The following CDH18 variants were observed in gnomAD, a reference collection of about 807,000 sequenced individuals.
CDH18 encodes the protein cadherin-18.
Under a neutral mutation model 67.9 loss-of-function variants are expected in CDH18, and 31 were observed. That is an observed-to-expected ratio of 0.46 (90% CI 0.34 to 0.62). The LOEUF (loss-of-function observed/expected upper bound fraction) is 0.62. CDH18 is among the 20% of genes least tolerant of loss of function. The probability of loss-of-function intolerance (pLI) is 0.01; values close to 1 mark genes in which losing one functional copy is unlikely to be tolerated. For synonymous variants in CDH18, 362 were observed against 347.2 expected (o/e 1.04, Z -0.48); for missense variants, 890 against 975.5 (o/e 0.91, Z 1.17).
intron 1 of CDH18, among the ~76,000 whole-genome samples, chr5:20,302,382 T>C (rs183133923): frequency 5.9e-5 from 9 of 152,196 alleles, no homozygotes; most frequent in Middle Eastern, 3.4e-3. Flanking sequence ...CCACGTGCAT[T>C]CTCAATTCTA....
chr5:20,363,931 G>A (rs1162158298), intron 1 of CDH18, among the ~76,000 whole-genome samples: 1 of 152,062 alleles, frequency 6.6e-6, no homozygotes, highest in Non-Finnish European at 1.5e-5. Flanking sequence ...CCATTGTGCA[G>A]GTAAGGACAC....
In CDH18 at chr5:20,162,248, T is replaced by A. The variant is rs183281550; in HGVS notation, c.-518+93196A>T. ...ACTTGTTTTAAATTAGTTTTTGGTCTCATGATTCCTTGTTTTCTTGCCAGG... is the reference window on the plus strand; with the variant it reads ...ACTTGTTTTAAATTAGTTTTTGGTCACATGATTCCTTGTTTTCTTGCCAGG... On this transcript the variant is annotated intron_variant, in intron 2 of 14. Coordinates refer to the CDH18 transcript ENST00000507958. Among the ~76,000 whole-genome samples, 444 of 152,124 alleles carry A rather than the reference T, an allele frequency of 2.9e-3. 1 individual carries two copies. Among genetic ancestry groups the A allele is most frequent in the African/African-American group, 9.4e-3 (389 of 41,516 alleles).
chr5:20,443,783 T>C (rs1232372054), intron 1 of CDH18, among the ~76,000 whole-genome samples: 5 of 151,956 alleles, frequency 3.3e-5, no homozygotes, highest in African/African-American at 9.7e-5. Context: ...ATTGACAAAC[T>C]TGTTGATCTT....
chr5:19,987,283 C>A (rs1029965750), intron 1 of CDH18, among the ~76,000 whole-genome samples: 2 of 151,674 alleles, frequency 1.3e-5, no homozygotes, highest in African/African-American at 4.9e-5. Flanking sequence ...CACACACACA[C>A]ACACACGCAT....
At chr5:20,202,267 T>C (rs1323798713) in intron 2 of CDH18, among the ~76,000 whole-genome samples, 3 of 152,120 alleles carry the variant, frequency 2.0e-5, no homozygotes, top group Admixed American at 6.6e-5. Context: ...TTTAGATTAT[T>C]TAGAATCATT....
At chr5:19,699,634 G>C (rs200697391) in intron 5 of CDH18, among the ~76,000 whole-genome samples, 2,747 of 132,874 alleles carry the variant, frequency 0.021, 49 homozygotes, top group African/African-American at 0.063. Flanking sequence ...GTGTGTGTGT[G>C]TGTGTGTCTG....
chr5:20,404,517 C>G (rs1746054419), intron 1 of CDH18, among the ~76,000 whole-genome samples: 1 of 152,002 alleles, frequency 6.6e-6, no homozygotes. Context: ...ATTACTGTGT[C>G]TCAGGGCATA....
At chr5:20,546,400 T>TAA (rs34438337) in intron 1 of CDH18, among the ~76,000 whole-genome samples, 20 of 151,048 alleles carry the variant, frequency 1.3e-4, no homozygotes, top group East Asian at 2.0e-4. Context: ...CACACTACTA[T>TAA]AAAAAAAAAC....
intron 1 of CDH18, among the ~76,000 whole-genome samples, chr5:20,487,027 T>C (rs537727917): frequency 3.3e-5 from 5 of 152,172 alleles, no homozygotes; most frequent in Admixed American, 1.3e-4. Context: ...CCAGGACTCA[T>C]GTTCCCCTGA....
intron 9 of CDH18, among the ~76,000 whole-genome samples, chr5:19,539,630 G>T (rs553176914): frequency 6.7e-6 from 1 of 150,352 alleles, no homozygotes; most frequent in South Asian, 2.1e-4. Flanking sequence ...TCTGAGGCTG[G>T]GGAGGCCTCA....
At chr5:19,626,242 G>A (rs1751523500) in intron 5 of CDH18, among the ~76,000 whole-genome samples, 1 of 152,156 alleles carries the variant, frequency 6.6e-6, no homozygotes, top group Non-Finnish European at 1.5e-5. Flanking sequence ...GTGTAAATTT[G>A]TTCTTTGAGC....
intron 6 of CDH18, among the ~76,000 whole-genome samples, chr5:19,602,243 A>C (rs1747259905): frequency 6.6e-6 from 1 of 152,184 alleles, no homozygotes; most frequent in Non-Finnish European, 1.5e-5. Flanking sequence ...ATACAAACAC[A>C]CACAAACTTT....
chr5:19,863,556 A>G (rs1443832648), intron 2 of CDH18, among the ~76,000 whole-genome samples: 1 of 152,164 alleles, frequency 6.6e-6, no homozygotes, highest in African/African-American at 2.4e-5. Context: ...CCTCCTCCCC[A>G]TGACACCGTT....
At chr5:20,265,748 G>T (rs895925995) in intron 1 of CDH18, among the ~76,000 whole-genome samples, 4 of 152,138 alleles carry the variant, frequency 2.6e-5, no homozygotes, top group African/African-American at 9.7e-5. Flanking sequence ...GAACACCACT[G>T]TTATTGGTGA....
In CDH18 at chr5:20,478,243, G is replaced by A. The variant is rs373846370; in HGVS notation, c.-580+97219C>T. On this transcript the variant is annotated intron_variant, in intron 1 of 14. Transcript: ENST00000507958. ...GAGAGGAAAGAGTAAGGGAGACATT[G>A]AGATGCAGCTGGGACACCAGCTTGG... Among the ~76,000 whole-genome samples the A allele has an allele frequency of 6.6e-5, 10 of 152,232 alleles. No homozygotes were observed. The South Asian group carries it at 1.9e-3, about 28-fold the overall frequency.
chr5:19,900,025 C>G (rs535674363), intron 2 of CDH18, among the ~76,000 whole-genome samples: 13 of 152,162 alleles, frequency 8.5e-5, no homozygotes, highest in African/African-American at 2.9e-4. Flanking sequence ...AACACTGTTC[C>G]TATAGGTAAA....
At chr5:19,518,212 C>T (rs1126069) in intron 10 of CDH18, among the ~76,000 whole-genome samples, 146,144 of 152,196 alleles carry the variant, frequency 0.96, 70,295 homozygotes, top group African/African-American at 0.98. Context: ...ATATAAACTG[C>T]ACAATGCTTT....
chr5:20,429,390 TC>T (rs1748566930), intron 1 of CDH18, among the ~76,000 whole-genome samples: 1 of 152,154 alleles, frequency 6.6e-6, no homozygotes, highest in African/African-American at 2.4e-5. Context: ...TTGTATATTT[TC>T]CTTTCACAGA....
chr5:20,237,563 C>T (rs1465278488), intron 2 of CDH18, among the ~76,000 whole-genome samples: 3 of 151,548 alleles, frequency 2.0e-5, no homozygotes, highest in South Asian at 2.1e-4. Context: ...CCATTTATAA[C>T]GAAATTAAAA....
Sources: allele counts gnomAD v4.1 joint callset (sites outside exome capture counted in the v4.1 genomes callset), GRCh38; gene constraint gnomAD v4.1.1; transcripts MANE v1.5; gene names NCBI Gene and HGNC (gene_info 2026-07-23, HGNC 2026-07-21).